SRGAP3: variants seen among roughly 807,000 people sequenced by gnomAD.
The protein encoded by SRGAP3 is SLIT-ROBO Rho GTPase activating protein 3.
A neutral mutation model predicts 121.1 loss-of-function variants in SRGAP3; 39 were observed. The observed-to-expected ratio is 0.32, with a 90% CI of 0.25 to 0.42. The LOEUF is 0.42. Ranked by LOEUF, SRGAP3 falls within the 10% of genes least tolerant of loss-of-function variation. The pLI, the probability that SRGAP3 is intolerant of heterozygous loss-of-function variation, is 1.00. For synonymous variants in SRGAP3, 601 were observed against 570.0 expected, an observed-to-expected ratio of 1.05 and a Z score of -0.77; for missense variants, 1,213 against 1,470.6, an observed-to-expected ratio of 0.82 and a Z score of 2.86.
At chr3:9,075,194 C>T (rs1454680198) in intron 4 of SRGAP3, among the ~76,000 whole-genome samples, 1 of 151,972 alleles carries the variant, frequency 6.6e-6, no homozygotes, top group Non-Finnish European at 1.5e-5. Flanking sequence ...CTTTTTTTCT[C>T]CCAGGCCAAT....
intron 1 of SRGAP3, among the ~76,000 whole-genome samples, chr3:9,147,399 C>T (rs998793399): frequency 2.6e-5 from 4 of 152,136 alleles, no homozygotes; most frequent in Admixed American, 6.5e-5. Context: ...CACCTGATCT[C>T]ATTTAACACT....
chr3:9,078,337 C>T (rs117524395), intron 4 of SRGAP3, among the ~76,000 whole-genome samples: 4,459 of 152,168 alleles, frequency 0.029, 90 homozygotes, highest in East Asian at 0.073. Flanking sequence ...AAAGTGGAGC[C>T]TGAGGAACAT....
intron 1 of SRGAP3, among the ~76,000 whole-genome samples, chr3:9,153,290 C>A (rs1187573579): frequency 6.6e-6 from 1 of 152,140 alleles, no homozygotes; most frequent in Non-Finnish European, 1.5e-5. Context: ...ATTTACTGAG[C>A]AAATACTATG....
chr3:9,265,375 G>A (rs1349070213), intron 3 of SRGAP3, among the ~76,000 whole-genome samples: 1 of 152,092 alleles, frequency 6.6e-6, no homozygotes, highest in African/African-American at 2.4e-5. Context: ...TTGACAAATG[G>A]GGTCTAATTA....
At chr3:9,327,688 A>G (rs1955541987) in intron 2 of SRGAP3, among the ~76,000 whole-genome samples, 1 of 152,254 alleles carries the variant, frequency 6.6e-6, no homozygotes, top group Non-Finnish European at 1.5e-5. Flanking sequence ...CTAGCTGTAA[A>G]GCAGGCAAGC....
chr3:9,144,661 G>A (rs539788855), intron 1 of SRGAP3, among the ~76,000 whole-genome samples: 5 of 152,188 alleles, frequency 3.3e-5, no homozygotes, highest in East Asian at 1.9e-4. Flanking sequence ...TTCTCTTGCC[G>A]CCACCATGTA....
At chr3:9,318,745 A>C (rs1955391684) in intron 3 of SRGAP3, among the ~76,000 whole-genome samples, 1 of 151,530 alleles carries the variant, frequency 6.6e-6, no homozygotes, top group South Asian at 2.1e-4. Flanking sequence ...CAGGCATAGC[A>C]GCATGTGCCT....
intron 1 of SRGAP3, among the ~76,000 whole-genome samples, chr3:9,133,263 C>G (rs1949526748): frequency 6.6e-6 from 1 of 152,104 alleles, no homozygotes. Context: ...AGGTGGATCA[C>G]TTGAGGTCAG....
intron 3 of SRGAP3, among the ~76,000 whole-genome samples, chr3:9,310,116 C>T (rs577068756): frequency 1.8e-4 from 28 of 152,288 alleles, no homozygotes; most frequent in African/African-American, 6.3e-4. Context: ...AAGTAAGTTA[C>T]TTCTCTGAGC....
chr3:9,105,611 A>G lies in SRGAP3; in HGVS notation c.261-769T>C, dbSNP rs988962197. ...CCACTCCAGACCTGCTGAGTCACAC[A>G]CTCTGGGGGTGGGCCTGCAATCTGG... On this transcript the variant is annotated intron_variant, in intron 2 of 21. Coordinates refer to ENST00000383836, the MANE Select transcript of SRGAP3 (RefSeq NM_014850.4). Among the ~76,000 whole-genome samples, 9 of 152,186 alleles carry G rather than the reference A, an allele frequency of 5.9e-5. No homozygotes were observed. The East Asian group carries it at 9.7e-4, about 16-fold the overall frequency.
At chr3:9,217,846 C>CA (rs1211332573) in intron 1 of SRGAP3, 1 of 152,094 alleles carries the variant, frequency 6.6e-6, no homozygotes, top group East Asian at 1.9e-4. Context: ...GTCACCCCTG[C>CA]AGGCCCCAGG....
At chr3:9,178,219 G>C (rs1951248874) in intron 1 of SRGAP3, among the ~76,000 whole-genome samples, 1 of 152,202 alleles carries the variant, frequency 6.6e-6, no homozygotes, top group African/African-American at 2.4e-5. Flanking sequence ...AGTGAGCTGA[G>C]ATCATGCCAC....
rs528885600 is a variant in SRGAP3, at chr3:9,136,162, G to A, written c.68-11245C>T. Among the ~76,000 whole-genome samples, 26 of 152,182 alleles carry A rather than the reference G, an allele frequency of 1.7e-4. 1 individual carries two copies. The highest frequency in any genetic ancestry group is 4.2e-4 in the South Asian group (2 of 4,816). ...CCTTCCCCGCCCGCCCTCCTCGCAG[G>A]CCTGGCCCACGTTTCGCTCCTTCTC... On this transcript the variant is annotated intron_variant, in intron 1 of 21. Transcript: ENST00000383836.
At chr3:9,358,436 C>T (rs1559291967) in intron 1 of SRGAP3, among the ~76,000 whole-genome samples, 1 of 152,146 alleles carries the variant, frequency 6.6e-6, no homozygotes, top group Non-Finnish European at 1.5e-5. Context: ...ACTCTCAAAC[C>T]ATGCTTCTCC....
intron 17 of SRGAP3, among the ~76,000 whole-genome samples, chr3:9,011,137 G>A (rs1393572983): frequency 1.3e-5 from 2 of 152,108 alleles, no homozygotes; most frequent in African/African-American, 4.8e-5. Flanking sequence ...AAGGTTCCTG[G>A]CTTCATGTTG....
chr3:9,356,534 G>A (rs1237898456), intron 1 of SRGAP3, among the ~76,000 whole-genome samples: 13 of 151,482 alleles, frequency 8.6e-5, no homozygotes, highest in African/African-American at 2.4e-4. Context: ...CACCACATCC[G>A]GCTAATTTTT....
chr3:9,058,702 C>A, intron 6 of SRGAP3: 4 of 456,254 alleles, frequency 8.8e-6, no homozygotes, highest in Non-Finnish European at 1.2e-5. Flanking sequence ...TATTCACCAT[C>A]TTTCTCTCTC....
chr3:9,036,607 A>G (rs1944757847), intron 11 of SRGAP3: 1 of 152,254 alleles, frequency 6.6e-6, no homozygotes, highest in Admixed American at 6.5e-5. Flanking sequence ...CAAACCCTCA[A>G]CTTTCCCCTG....
chr3:9,014,534 C>T (rs774108183), intron 15 of SRGAP3, among the ~76,000 whole-genome samples: 4 of 152,140 alleles, frequency 2.6e-5, no homozygotes, highest in Non-Finnish European at 5.9e-5. Context: ...CTGAAATTGG[C>T]TCAGGGCCCT....
Sources: allele counts gnomAD v4.1 joint callset (sites outside exome capture counted in the v4.1 genomes callset), GRCh38; gene constraint gnomAD v4.1.1; transcripts MANE v1.5; gene names NCBI Gene and HGNC (gene_info 2026-07-23, HGNC 2026-07-21).